Variants in DNAH8 observed in about 807,000 individuals in gnomAD.
DNAH8 encodes dynein axonemal heavy chain 8, also known as axonemal beta dynein heavy chain 8.
A neutral mutation model predicts 562.1 loss-of-function variants in DNAH8; 382 were observed. That is an observed-to-expected ratio of 0.68 (90% confidence interval 0.63 to 0.74). The LOEUF is 0.74. Among genes scored for constraint, DNAH8 ranks in the 30% least tolerant of loss-of-function variants. The probability of loss-of-function intolerance (pLI) is 0.00; values close to 1 mark genes in which losing one functional copy is unlikely to be tolerated. For missense variants in DNAH8, 5,203 were observed against 5,620.4 expected (o/e 0.93, Z 2.37); for synonymous variants, 1,881 against 1,919.4 (o/e 0.98, Z 0.52).
intron 26 of DNAH8, among the ~76,000 whole-genome samples, chr6:38,821,719 T>TG (rs1176390172): frequency 6.6e-6 from 1 of 152,236 alleles, no homozygotes; most frequent in African/African-American, 2.4e-5. Flanking sequence ...CGTGCCACCA[T>TG]GCTCAGCTAA....
At position 38,974,505 on chromosome 6, in the gene DNAH8, A is replaced by T. The variant is rs150735179; in HGVS notation, c.12810A>T (p.Val4270=). 6 of 1,613,780 alleles carry T rather than the reference A, an allele frequency of 3.7e-6. No homozygotes were observed. In the African/African-American group the frequency reaches 8.0e-5, roughly 22 times the overall value. The part of the protein sequence containing the change: ...LPMWKPMLYT[V]AFLHSTVQER... ...TGTGGAAGCCGATGCTTTACACAGT[A>T]GCATTTTTACACTCCACTGTGCAGG... The change falls in exon 85 of 93, where the codon GTA becomes GTT. Residue 4270 remains valine (V), a synonymous_variant. Transcript: ENST00000327475.
At chr6:38,989,016 T>C (rs910180280) in intron 87 of DNAH8, among the ~76,000 whole-genome samples, 22 of 152,236 alleles carry the variant, frequency 1.4e-4, no homozygotes, top group African/African-American at 5.1e-4. Flanking sequence ...TCTGTTCTGG[T>C]TCTAAACTCA....
rs1253680773 is a variant in DNAH8 at position 38,886,866 on chromosome 6, A to G, written c.8335A>G (p.Thr2779Ala). The G allele has an allele frequency of 1.9e-6, 3 of 1,614,100 alleles. No homozygotes were observed. Among genetic ancestry groups the G allele is most frequent in the Non-Finnish European group, 1.7e-6 (2 of 1,179,958 alleles). The change falls in exon 57 of 93, where the codon ACT becomes GCT. Residue 2779 changes from threonine to alanine, a missense_variant. Coordinates refer to ENST00000327475, the MANE Select transcript of DNAH8 (RefSeq NM_001206927.2). The stretch of plus-strand genomic sequence containing the variant: ...CTTGGACAAGCCTGGAGACTTCACT[A>G]CTATTGTTGATGTGCAGCTCATAGC... ...YSLDKPGDFT[T>A]IVDVQLIAAM...
intron 57 of DNAH8, 125 bp downstream of exon 57, chr6:38,887,129 A>G: frequency 7.7e-6 from 5 of 650,332 alleles, no homozygotes. Context: ...GGAGAGCTAA[A>G]CACTAGGAAA....
chr6:39,026,329 T>A (rs1767276454), intron 91 of DNAH8, among the ~76,000 whole-genome samples: 1 of 152,206 alleles, frequency 6.6e-6, no homozygotes, highest in African/African-American at 2.4e-5. Flanking sequence ...AGTACTGCTT[T>A]CCTGCTGTCA....
In DNAH8 at chr6:39,030,192, C is replaced by T; in HGVS notation, c.13924C>T (p.Leu4642Phe). Reference protein sequence around the residue: ...GKLMESTPKVLFTQLPVLHIF... With the variant: ...GKLMESTPKVFFTQLPVLHIF... ...GCTCATGGAATCCACCCCCAAGGTA[C>T]TCTTCACGCAGTTACCCGTGCTCCA... The change falls in exon 93 of 93, where the codon CTC becomes TTC. Residue 4642 changes from leucine (L) to phenylalanine (F), a missense_variant. Leu to Phe is a conservative substitution (Grantham distance 22). Transcript: ENST00000327475. The T allele has an allele frequency of 1.2e-6, 2 of 1,614,116 alleles. No individual in the cohort carries two copies. The highest frequency in any genetic ancestry group is 1.7e-6 in the Non-Finnish European group (2 of 1,180,002).
chr6:38,723,970 T>TTTAA (rs68148878), intron 3 of DNAH8, among the ~76,000 whole-genome samples: 13,783 of 142,096 alleles, frequency 0.097, 800 homozygotes, highest in Admixed American at 0.18. Context: ...TCTTTTTAAA[T>TTTAA]TTAATTAATT....
intron 54 of DNAH8, 44 bp downstream of exon 54, chr6:38,883,096 T>C: frequency 6.7e-7 from 1 of 1,501,784 alleles, no homozygotes; most frequent in South Asian, 1.4e-5. Flanking sequence ...AAACCATCCA[T>C]GGCCACGGGA....
intron 1 of DNAH8, among the ~76,000 whole-genome samples, chr6:38,721,058 C>A (rs565210592): frequency 6.6e-6 from 1 of 152,194 alleles, no homozygotes; most frequent in South Asian, 2.1e-4. Flanking sequence ...TGAAGATGAA[C>A]AAACTTATAG....
chr6:38,795,907 G>GCAGT lies in DNAH8; in HGVS notation c.2901+4234_2901+4237dup, dbSNP rs141860353. Reference sequence around the variant, plus strand: ...GGAATCAGGGCTATTTGCAGTCAGGGCAGTGTTCCTTGTCTTGGCGCATCC... The same window carrying GCAGT: ...GGAATCAGGGCTATTTGCAGTCAGGGCAGTCAGTGTTCCTTGTCTTGGCGCATCC... On this transcript the variant is annotated intron_variant, in intron 21 of 92. Coordinates refer to ENST00000327475, the MANE Select transcript of DNAH8 (RefSeq NM_001206927.2). 0.011 allele frequency among the ~76,000 whole-genome samples: 1,619 copies of GCAGT among 152,280 alleles called. 80 individuals carry two copies. The East Asian group carries it at 0.14, about 13-fold the overall frequency.
At chr6:38,851,270 C>T (rs894007858) in intron 38 of DNAH8, among the ~76,000 whole-genome samples, 4 of 152,056 alleles carry the variant, frequency 2.6e-5, no homozygotes, top group African/African-American at 9.7e-5. Flanking sequence ...TTGTGCTCCC[C>T]CTGGGTTTAA....
intron 79 of DNAH8, among the ~76,000 whole-genome samples, chr6:38,941,012 C>T (rs1040847834): frequency 4.0e-5 from 6 of 151,802 alleles, no homozygotes; most frequent in South Asian, 2.1e-4. Flanking sequence ...CCCAGCTACT[C>T]GGGAAGCTGA....
At chr6:38,893,938 C>T (rs529125686) in intron 58 of DNAH8, among the ~76,000 whole-genome samples, 4 of 152,248 alleles carry the variant, frequency 2.6e-5, no homozygotes, top group East Asian at 3.9e-4. Context: ...TAGAGTACCT[C>T]GAGGTTATCT....
intron 75 of DNAH8, 41 bp downstream of exon 75, chr6:38,929,707 A>G (rs759926175): frequency 1.4e-6 from 2 of 1,464,170 alleles, no homozygotes; most frequent in South Asian, 2.8e-5. Context: ...GAAAGAAAGA[A>G]AAGAAAAAGA....
rs1286917098 is a variant in DNAH8, at chr6:38,915,071, A to G, written c.9964-130A>G. 1.7e-5 allele frequency: 13 copies of G among 758,486 alleles called. 1 individual carries two copies. The East Asian group carries it at 4.2e-4, about 24-fold the overall frequency. 47.0% of individuals were successfully genotyped at this position (758,486 alleles called of 1,614,324 possible). A position where few individuals can be genotyped will look rare whatever the true frequency, so the allele number is the denominator to read the frequency against. On this transcript the variant is annotated intron_variant, in intron 67 of 92. Transcript: ENST00000327475. ...CTTTAATATACCTTAAAATATAGAC[A>G]ACTTAGGAAATAAGTTTGTTCTTAT...
At chr6:38,800,014 A>C (rs1430201647) in intron 21 of DNAH8, among the ~76,000 whole-genome samples, 1 of 152,194 alleles carries the variant, frequency 6.6e-6, no homozygotes, top group Non-Finnish European at 1.5e-5. Flanking sequence ...AGTAGTGTGA[A>C]TATGGCTTAC....
chr6:38,858,639 A>G (rs1449109129), intron 42 of DNAH8, among the ~76,000 whole-genome samples: 1 of 152,176 alleles, frequency 6.6e-6, no homozygotes, highest in Non-Finnish European at 1.5e-5. Flanking sequence ...CAGAATCTGC[A>G]TTTTATCAAG....
chr6:38,942,699 A>G (rs1429793650), intron 79 of DNAH8, among the ~76,000 whole-genome samples: 1 of 152,216 alleles, frequency 6.6e-6, no homozygotes, highest in Non-Finnish European at 1.5e-5. Context: ...CAGGGCCCCA[A>G]CAGATAGCAT....
intron 47 of DNAH8, among the ~76,000 whole-genome samples, chr6:38,867,752 CAAAAA>C (rs68060910): frequency 3.4e-5 from 3 of 88,800 alleles, no homozygotes; most frequent in Admixed American, 1.2e-4. Context: ...GACTCCATCT[CAAAAA>C]AAAAAAAAAA....
Sources: allele counts gnomAD v4.1 joint callset (sites outside exome capture counted in the v4.1 genomes callset), GRCh38; gene constraint gnomAD v4.1.1; transcripts MANE v1.5; gene names NCBI Gene and HGNC (gene_info 2026-07-23, HGNC 2026-07-21).